Variants in PRDM10 observed in about 807,000 individuals in gnomAD.
PRDM10 encodes PR/SET domain 10.
A neutral mutation model predicts 133.1 loss-of-function variants in PRDM10; 65 were observed. The observed-to-expected ratio is 0.49, with a 90% CI of 0.40 to 0.60. PRDM10 has a LOEUF of 0.60. PRDM10 is among the 20% of genes least tolerant of loss of function. The probability of loss-of-function intolerance (pLI) is 0.00; values close to 1 mark genes in which losing one functional copy is unlikely to be tolerated. For synonymous variants in PRDM10, 582 were observed against 580.4 expected (o/e 1.00, Z -0.04); for missense variants, 1,137 against 1,507.1 (o/e 0.75, Z 4.07).
At position 129,935,340 on chromosome 11, in the gene PRDM10, ATC is replaced by A. The variant is rs1950995369; in HGVS notation, c.1040-124_1040-123del. On this transcript the variant is annotated intron_variant, in intron 8 of 20. Transcript: ENST00000360871. ...CCCAAAGAGTTCATAACTATATAGT[ATC>A]TGCTATTTGCATTACTGTTCTATCA... 8.5e-6 allele frequency: 6 copies of A among 707,904 alleles called. No homozygotes were observed. In the East Asian group the frequency reaches 1.5e-4, roughly 18 times the overall value. The allele number at this position is 707,904 out of a possible 1,614,324, so 43.9% of individuals were successfully genotyped here.
chr11:129,981,158 A>C (rs12276525), intron 1 of PRDM10, among the ~76,000 whole-genome samples: 1 of 152,054 alleles, frequency 6.6e-6, no homozygotes, highest in African/African-American at 2.4e-5. Context: ...GACGTGAGCC[A>C]CTGTGCCCGG....
rs1950309318 is a variant in PRDM10, at chr11:129,914,951, G to A, written c.2594C>T (p.Thr865Ile). 4 of 1,613,992 alleles carry A rather than the reference G, an allele frequency of 2.5e-6. No homozygotes were observed. The highest frequency in any genetic ancestry group is 3.4e-6 in the Non-Finnish European group (4 of 1,179,960). Residue 865 changes from threonine to isoleucine, a missense_variant, in exon 17 of 21, where the codon ACA becomes ATA. Thr to Ile is a moderately conservative substitution (Grantham distance 89). Coordinates refer to ENST00000360871, the MANE Select transcript of PRDM10 (RefSeq NM_199437.2). ...EFAQLSNTIHTPLTTAVISAT... is the reference protein window; with the variant it reads ...EFAQLSNTIHIPLTTAVISAT... Reference sequence around the variant, plus strand: ...ACTGATCACAGCTGTCGTCAGTGGTGTGTGTATGGTGTTGGAGAGCTGGGC... The same window carrying A: ...ACTGATCACAGCTGTCGTCAGTGGTATGTGTATGGTGTTGGAGAGCTGGGC...
At chr11:129,912,543 A>G (rs1352208620) in intron 17 of PRDM10, among the ~76,000 whole-genome samples, 1 of 151,596 alleles carries the variant, frequency 6.6e-6, no homozygotes, top group Non-Finnish European at 1.5e-5. Context: ...CGAGGTCAGG[A>G]GATCGAGACC....
At chr11:129,953,999 CTAAG>C (rs1951646268) in intron 4 of PRDM10, among the ~76,000 whole-genome samples, 1 of 148,294 alleles carries the variant, frequency 6.7e-6, no homozygotes, top group Non-Finnish European at 1.5e-5. Context: ...AAGAATATAC[CTAAG>C]TATTATAAAA....
At position 129,947,001 on chromosome 11, in the gene PRDM10, G is replaced by T; in HGVS notation, c.520+144C>A. On this transcript the variant is annotated intron_variant, in intron 5 of 20. Coordinates refer to ENST00000360871, the MANE Select transcript of PRDM10 (RefSeq NM_199437.2). The surrounding 1 kb of genome is among the most constrained non-coding windows in gnomAD (Gnocchi z 4.6). ...AAAGGGCTGCAGTGAAGGCCAGGTG[G>T]GATGAAGCAAGCAGAGAATGTAGCA... 8.9e-7 allele frequency: 1 copy of T among 1,117,686 alleles called. No individual in the cohort carries two copies. The highest frequency in any genetic ancestry group is 1.3e-6 in the Non-Finnish European group (1 of 787,020). The allele number at this position is 1,117,686 out of a possible 1,614,324, so 69.2% of individuals were successfully genotyped here.
chr11:129,904,175 AG>A (rs1198848886), intron 20 of PRDM10, among the ~76,000 whole-genome samples: 9 of 149,404 alleles, frequency 6.0e-5, no homozygotes, highest in Admixed American at 1.3e-4. Context: ...AAAAAAAAAA[AG>A]GAGAAAAAAA....
intron 1 of PRDM10, among the ~76,000 whole-genome samples, chr11:129,969,722 A>C (rs895969232): frequency 6.6e-6 from 1 of 151,966 alleles, no homozygotes; most frequent in African/African-American, 2.4e-5. Flanking sequence ...CACAAGAATC[A>C]CTTGAACCCG....
At chr11:129,913,269 C>T (rs1950250662) in intron 17 of PRDM10, among the ~76,000 whole-genome samples, 1 of 136,556 alleles carries the variant, frequency 7.3e-6, no homozygotes, top group Non-Finnish European at 1.6e-5. Flanking sequence ...TATATGCCAA[C>T]AGAAATAGAA....
chr11:129,923,689 A>AGAGAGAGAGAGAGAGAGAGG lies in PRDM10; in HGVS notation c.1879-287_1879-286insCCTCTCTCTCTCTCTCTCTC, dbSNP rs1565464217. ...GAGAGAGAGAGAGAGAGAGAGAGAG[A>AGAGAGAGAGAGAGAGAGAGG]GAGAGTGCTTGCTTGGTCAAAGCCC... On this transcript the variant is annotated intron_variant, in intron 12 of 20. Coordinates refer to ENST00000360871, the MANE Select transcript of PRDM10 (RefSeq NM_199437.2). This position sits in a 1 kb window ranked among gnomAD's most constrained non-coding sequence, Gnocchi z 4.4. Among the ~76,000 whole-genome samples the AGAGAGAGAGAGAGAGAGAGG allele has an allele frequency of 6.9e-6, 1 of 144,770 alleles. No homozygotes were observed. The highest frequency in any genetic ancestry group is 2.6e-5 in the African/African-American group (1 of 37,924). 95.0% of individuals were successfully genotyped at this position (144,770 alleles called of 152,430 possible).
At chr11:129,995,902 T>C (rs1209845210) in intron 1 of PRDM10, among the ~76,000 whole-genome samples, 1 of 151,676 alleles carries the variant, frequency 6.6e-6, no homozygotes, top group African/African-American at 2.4e-5. Flanking sequence ...GCTGAGATCA[T>C]GCCACTGCAC....
intron 13 of PRDM10, among the ~76,000 whole-genome samples, chr11:129,919,117 TC>T (rs1481378281): frequency 2.0e-5 from 3 of 152,080 alleles, no homozygotes; most frequent in East Asian, 1.9e-4. Context: ...ATGCCTGTAA[TC>T]CTAGCACTTT....
intron 6 of PRDM10, among the ~76,000 whole-genome samples, chr11:129,943,228 A>G (rs1046923292): frequency 1.3e-5 from 2 of 152,238 alleles, no homozygotes; most frequent in African/African-American, 4.8e-5. Flanking sequence ...ATGACTATAA[A>G]CATACTTCAC....
rs372280904 is a variant in PRDM10, at chr11:129,938,624, G to A, written c.967-954C>T. Among the ~76,000 whole-genome samples the A allele has an allele frequency of 2.1e-4, 32 of 152,262 alleles. No homozygotes were observed. The South Asian group carries it at 6.4e-3, about 31-fold the overall frequency. ...CTGCAATTTACACAGTAGCCAGAGT[G>A]GTCTCCTCAAATCCCAGTTACCCCA... On this transcript the variant is annotated intron_variant, in intron 7 of 20. Transcript: ENST00000360871.
At chr11:129,964,812 G>T (rs960897402) in intron 1 of PRDM10, among the ~76,000 whole-genome samples, 1 of 152,170 alleles carries the variant, frequency 6.6e-6, no homozygotes, top group African/African-American at 2.4e-5. Flanking sequence ...ATCTCTGAGG[G>T]AAGATACTAG....
At chr11:129,958,367 C>G (rs985798727) in intron 2 of PRDM10, among the ~76,000 whole-genome samples, 7 of 152,114 alleles carry the variant, frequency 4.6e-5, no homozygotes, top group Non-Finnish European at 1.0e-4. Flanking sequence ...TTTGGCTAGG[C>G]GTGGTGGTTC....
chr11:129,960,343 G>A (rs962747107), intron 2 of PRDM10, among the ~76,000 whole-genome samples: 3 of 151,738 alleles, frequency 2.0e-5, no homozygotes, highest in African/African-American at 7.3e-5. Context: ...ATTTGCCTTC[G>A]CTAAGAACAG....
chr11:129,932,776 C>A lies in PRDM10; in HGVS notation c.1158-545G>T. Among the ~76,000 whole-genome samples the A allele has an allele frequency of 2.7e-5, 4 of 145,760 alleles. No individual in the cohort carries two copies. The South Asian group carries it at 8.6e-4, about 31-fold the overall frequency. ...CCCCTTTAATGGACTTTTTTTTTTT[C>A]TCTTTTTGAGGCTAGGTCTTGCTCT... is the stretch of plus-strand genomic sequence containing the variant. On this transcript the variant is annotated intron_variant, in intron 9 of 20. Coordinates refer to ENST00000360871, the MANE Select transcript of PRDM10 (RefSeq NM_199437.2).
chr11:129,909,386 G>A (rs1485410192), intron 19 of PRDM10, among the ~76,000 whole-genome samples: 3 of 151,608 alleles, frequency 2.0e-5, no homozygotes, highest in Non-Finnish European at 4.4e-5. Flanking sequence ...GGAGGCGGAG[G>A]TTGCAGTGAG....
At chr11:129,994,076 T>C (rs902188196) in intron 1 of PRDM10, among the ~76,000 whole-genome samples, 3 of 152,174 alleles carry the variant, frequency 2.0e-5, no homozygotes, top group African/African-American at 7.2e-5. Flanking sequence ...TTATAGTTTA[T>C]AACCATTTAA....
Sources: allele counts gnomAD v4.1 joint callset (sites outside exome capture counted in the v4.1 genomes callset), GRCh38; gene constraint gnomAD v4.1.1; non-coding constraint Gnocchi (gnomAD v3.1); transcripts MANE v1.5; gene names NCBI Gene and HGNC (gene_info 2026-07-23, HGNC 2026-07-21).